LIPG: variants seen among roughly 807,000 people sequenced by gnomAD.
The protein encoded by LIPG is lipase G, endothelial type, also known as endothelial lipase.
Under a neutral mutation model 51.8 loss-of-function variants are expected in LIPG, and 34 were observed. That is an observed-to-expected ratio of 0.66 (90% CI 0.50 to 0.87). The LOEUF is 0.87. Among genes scored for constraint, LIPG ranks in the 40% least tolerant of loss-of-function variants. The pLI is 0.00. For synonymous variants in LIPG, 246 were observed against 246.1 expected, an observed-to-expected ratio of 1.00 and a Z score of 0.00; for missense variants, 580 against 652.7, an observed-to-expected ratio of 0.89 and a Z score of 1.21.
chr18:49,569,427 C>T lies in LIPG; in HGVS notation c.460-10C>T, dbSNP rs777709044. 6.2e-7 allele frequency: 1 copy of T among 1,613,138 alleles called. No homozygotes were observed. The highest frequency in any genetic ancestry group is 1.1e-5 in the South Asian group (1 of 91,056). On this transcript the variant is annotated splice_polypyrimidine_tract_variant and intron_variant, in intron 3 of 9. Transcript: ENST00000261292. ...CTCTTCTGCTCACATACTTTGGTGA[C>T]TTTCTATAGGAGAAGGACGATTTTT...
intron 4 of LIPG, among the ~76,000 whole-genome samples, chr18:49,570,991 C>A (rs1215310806): frequency 1.3e-5 from 2 of 152,214 alleles, no homozygotes; most frequent in African/African-American, 4.8e-5. Context: ...GGGCTTGAGT[C>A]TAGTATGTGC....
chr18:49,566,264 C>T (rs891134871), intron 2 of LIPG, among the ~76,000 whole-genome samples: 2 of 152,144 alleles, frequency 1.3e-5, no homozygotes, highest in Non-Finnish European at 2.9e-5. Flanking sequence ...TAGGTGCCTG[C>T]CTACCTAGTT....
chr18:49,561,993 C>A (rs757527835), upstream of LIPG: 32 of 1,399,762 alleles, frequency 2.3e-5, no homozygotes, highest in Admixed American at 1.2e-4. Context: ...TTATGCAAAT[C>A]ACCATCTGGC....
Position 49,570,319 on chromosome 18 carries a change from A to C in LIPG, c.571+771A>C, listed in dbSNP as rs1481355627. Among the ~76,000 whole-genome samples, 3 of 152,170 alleles carry C rather than the reference A, an allele frequency of 2.0e-5. No individual in the cohort carries two copies. In the East Asian group the frequency reaches 5.8e-4, roughly 29 times the overall value. Reference sequence around the variant, plus strand: ...ATTTAATGATTGTGAAAAGTGTAAAAGGTTTTCTTTCTCATTTTTGGGCCC... The same window carrying C: ...ATTTAATGATTGTGAAAAGTGTAAACGGTTTTCTTTCTCATTTTTGGGCCC... On this transcript the variant is annotated intron_variant, in intron 4 of 9. Coordinates refer to ENST00000261292, the MANE Select transcript of LIPG (RefSeq NM_006033.4).
intron 5 of LIPG, among the ~76,000 whole-genome samples, chr18:49,579,007 A>G (rs1219282280): frequency 5.0e-3 from 3 of 596 alleles, no homozygotes; most frequent in South Asian, 0.1. Context: ...CCGTGGGGAG[A>G]GGGAGAGGGA....
chr18:49,585,735 T>C lies in LIPG; in HGVS notation c.1377-1011T>C, dbSNP rs182431431. Among the ~76,000 whole-genome samples, 18 of 152,332 alleles carry C rather than the reference T, an allele frequency of 1.2e-4. No homozygotes were observed. The East Asian group carries it at 3.5e-3, about 29-fold the overall frequency. ...ATGCATTCTCCAGCTTGAACAGATA[T>C]TGTTAAATCTGTCTCCAAAGTGGTT... is the stretch of plus-strand genomic sequence containing the variant. On this transcript the variant is annotated intron_variant, in intron 8 of 9. Transcript: ENST00000261292.
rs1568524181 is a variant in LIPG, at chr18:49,562,117, C to T, written c.-192C>T. ...AGGGCAGATCTCGTTCTGGGGCAAGCCGTTGACACTCGCTCCCTGCCACCG... is the reference window on the plus strand; with the variant it reads ...AGGGCAGATCTCGTTCTGGGGCAAGTCGTTGACACTCGCTCCCTGCCACCG... On this transcript the variant is annotated 5_prime_UTR_variant, in exon 1 of 10. Transcript: ENST00000261292. The T allele has an allele frequency of 6.2e-6, 9 of 1,456,316 alleles. No individual in the cohort carries two copies. Among genetic ancestry groups the T allele is most frequent in the Middle Eastern group, 2.5e-4 (1 of 3,972 alleles). The allele number at this position is 1,456,316 out of a possible 1,614,324, so 90.2% of individuals were successfully genotyped here. A position where few individuals can be genotyped will look rare whatever the true frequency, so the allele number is the denominator to read the frequency against.
chr18:49,584,205 C>T (rs1353218810), intron 8 of LIPG, among the ~76,000 whole-genome samples: 1 of 152,192 alleles, frequency 6.6e-6, no homozygotes, highest in Non-Finnish European at 1.5e-5. Context: ...TGGATGAGGT[C>T]TGTGGGAGGA....
At chr18:49,580,910 G>T (rs992733458) in intron 5 of LIPG, among the ~76,000 whole-genome samples, 1 of 152,146 alleles carries the variant, frequency 6.6e-6, no homozygotes, top group Non-Finnish European at 1.5e-5. Flanking sequence ...AGCATGAATG[G>T]CCTTAAATTC....
chr18:49,561,605 TG>T, upstream of LIPG: 1 of 1,062,640 alleles, frequency 9.4e-7, no homozygotes, highest in Non-Finnish European at 1.2e-6. Flanking sequence ...GATGACCAGG[TG>T]GCTCTCCCCC....
At chr18:49,577,208 T>A (rs1259058568) in intron 5 of LIPG, among the ~76,000 whole-genome samples, 1 of 131,146 alleles carries the variant, frequency 7.6e-6, no homozygotes, top group Non-Finnish European at 1.6e-5. Context: ...GATTAGGGAT[T>A]GGTGATGACT....
At chr18:49,575,669 G>A in intron 5 of LIPG, 79 bp downstream of exon 5, 1 of 1,117,380 alleles carries the variant, frequency 8.9e-7, no homozygotes, top group Admixed American at 1.9e-5. Context: ...CTTTAGCACT[G>A]CAGGCACTAT....
At chr18:49,561,772 G>GA (rs2084551772), upstream of LIPG, 3 of 1,252,412 alleles carry the variant, frequency 2.4e-6, no homozygotes, top group Admixed American at 1.1e-4. Context: ...TGGCAGTGGG[G>GA]AGAGGAGGAT....
intron 7 of LIPG, among the ~76,000 whole-genome samples, chr18:49,583,172 C>T (rs1212925246): frequency 6.6e-6 from 1 of 152,198 alleles, no homozygotes; most frequent in Non-Finnish European, 1.5e-5. Flanking sequence ...TTCAGAGCAT[C>T]ATTAACTCTT....
rs79556410 is a variant in LIPG, at chr18:49,566,556, G to T, written c.280-886G>T. On this transcript the variant is annotated intron_variant, in intron 2 of 9. Transcript: ENST00000261292. ...GTGCTTGTGGATAGGTTTACAACTG[G>T]ACCTAGTCACCATTTATAACTTTGT... Among the ~76,000 whole-genome samples the T allele has an allele frequency of 5.0e-3, 759 of 152,206 alleles. 9 individuals are homozygous for T. The highest frequency in any genetic ancestry group is 0.017 in the African/African-American group (723 of 41,486).
At chr18:49,564,377 C>T (rs1282497943) in intron 1 of LIPG, among the ~76,000 whole-genome samples, 1 of 152,194 alleles carries the variant, frequency 6.6e-6, no homozygotes, top group Non-Finnish European at 1.5e-5. Flanking sequence ...ATGATGACAG[C>T]ACCTACTTAG....
chr18:49,589,947 A>G (rs1273761903), intron 9 of LIPG: 1 of 174,238 alleles, frequency 5.7e-6, no homozygotes, highest in Non-Finnish European at 1.2e-5. Flanking sequence ...CATATGTAAC[A>G]TGTTTAGCAT....
In LIPG at chr18:49,583,613, C is replaced by T. The variant is rs1600565483; in HGVS notation, c.1215C>T (p.Asp405=). ...CCTTCCTGGTCTACACCGAGGAGGA[C>T]TTGGGAGACCTCTTGAAGATCCAGC... ...TNTFLVYTEE[D]LGDLLKIQLT... is the part of the protein sequence containing the mutation. The change falls in exon 8 of 10, where the codon GAC becomes GAT. Residue 405 remains aspartate, a synonymous_variant. Coordinates refer to ENST00000261292, the MANE Select transcript of LIPG (RefSeq NM_006033.4). 6.2e-7 allele frequency: 1 copy of T among 1,614,200 alleles called. No homozygotes were observed. Among genetic ancestry groups the T allele is most frequent in the African/African-American group, 1.3e-5 (1 of 75,060 alleles).
In LIPG at chr18:49,591,902, G is replaced by C. The variant is rs1032721253; in HGVS notation, c.*1380G>C. 2 of 152,142 alleles carry C rather than the reference G, an allele frequency of 1.3e-5. No homozygotes were observed. The highest frequency in any genetic ancestry group is 2.9e-5 in the Non-Finnish European group (2 of 68,034). The allele number at this position is 152,142 out of a possible 1,614,324, so 9.4% of individuals were successfully genotyped here. The stretch of plus-strand genomic sequence containing the variant: ...AGGACTCAGATTTCCTGGAGGCAAA[G>C]TCTATCTCTGAAACTCCATGAAGAC... On this transcript the variant is annotated 3_prime_UTR_variant, in exon 10 of 10. Coordinates refer to ENST00000261292, the MANE Select transcript of LIPG (RefSeq NM_006033.4).
Sources: gnomAD v4.1 joint callset for allele counts (sites outside exome capture counted in the v4.1 genomes callset) on GRCh38, gnomAD v4.1.1 for gene constraint, MANE v1.5 for transcripts, NCBI Gene and HGNC (gene_info 2026-07-23, HGNC 2026-07-21) for gene names.